TTC21A: variants seen among roughly 807,000 people sequenced by gnomAD.
TTC21A encodes tetratricopeptide repeat domain 21A, also known as tetratricopeptide repeat protein 21A.
A neutral mutation model predicts 156.4 loss-of-function variants in TTC21A; 128 were observed. The ratio of observed to expected loss-of-function variants is 0.82; its 90% CI spans 0.71 to 0.95. The LOEUF (loss-of-function observed/expected upper bound fraction) is 0.95. TTC21A is among the 40% of genes least tolerant of loss of function. The probability of loss-of-function intolerance (pLI) is 0.00; values close to 1 mark genes in which losing one functional copy is unlikely to be tolerated. For missense variants in TTC21A, 1,435 were observed against 1,602.3 expected (o/e 0.90, Z 1.78); for synonymous variants, 587 against 617.1 (o/e 0.95, Z 0.72).
chr3:39,118,126 G>A lies in TTC21A; in HGVS notation c.774G>A (p.Glu258=), dbSNP rs2037444740. The part of the protein sequence containing the change: ...IDACQILTVH[E]LAREGNMTTA... ...CCTGCCAAATTCTAACCGTGCATGA[G>A]CTTGCAAGAGAAGGAAACATGACCA... Residue 258 remains glutamate (E), a synonymous_variant, in exon 7 of 29, where the codon GAG becomes GAA. Coordinates refer to ENST00000683103, the MANE Select transcript of TTC21A (RefSeq NM_001366900.1). The A allele has an allele frequency of 5.0e-6, 8 of 1,614,060 alleles. No homozygotes were observed. The South Asian group carries it at 8.8e-5, about 18-fold the overall frequency.
intron 8 of TTC21A, 48 bp from the exon 9 acceptor site, chr3:39,120,949 A>C (rs377754391): frequency 7.2e-6 from 11 of 1,528,770 alleles, no homozygotes; most frequent in African/African-American, 1.4e-5. Context: ...TTGCTCATAC[A>C]GGCTGGACTG....
intron 7 of TTC21A, chr3:39,118,665 T>C (rs555724778): frequency 6.5e-6 from 1 of 154,526 alleles, no homozygotes; most frequent in Non-Finnish European, 1.4e-5. Flanking sequence ...TGCTCGTAAG[T>C]CTTGTAGTTT....
intron 4 of TTC21A, among the ~76,000 whole-genome samples, chr3:39,111,505 G>A (rs1243610408): frequency 3.3e-4 from 51 of 152,274 alleles, no homozygotes; most frequent in Non-Finnish European, 2.9e-5. Context: ...ATGCTCTGCT[G>A]GAACTGAATG....
intron 3 of TTC21A, 38 bp from the exon 4 acceptor site, chr3:39,110,813 T>A (rs936192832): frequency 6.2e-7 from 1 of 1,611,564 alleles, no homozygotes. Flanking sequence ...GACTTCCACA[T>A]CCTAACTCTC....
chr3:39,136,288 G>A (rs1269662388), intron 22 of TTC21A, 69 bp from the exon 23 acceptor site: 9 of 1,541,040 alleles, frequency 5.8e-6, no homozygotes, highest in Non-Finnish European at 7.9e-6. Context: ...TTCTCCTAGG[G>A]CCCCAGCACC....
At chr3:39,108,993 G>T (rs1283324412) in intron 1 of TTC21A, 92 bp from the exon 2 acceptor site, 2 of 1,411,024 alleles carry the variant, frequency 1.4e-6, no homozygotes, top group Non-Finnish European at 2.0e-6. Flanking sequence ...GAGGAGCAGG[G>T]GATAGGGAAG....
intron 26 of TTC21A, 115 bp downstream of exon 26, chr3:39,137,825 A>C: frequency 8.6e-7 from 1 of 1,163,312 alleles, no homozygotes. Context: ...ACTAGTCGGG[A>C]AGAGGCAGGC....
Position 39,110,030 on chromosome 3 carries a change from G to A in TTC21A, c.159G>A (p.Glu53=). 6.2e-7 allele frequency: 1 copy of A among 1,612,264 alleles called. No individual in the cohort carries two copies. Among genetic ancestry groups the A allele is most frequent in the Non-Finnish European group, 8.5e-7 (1 of 1,178,544 alleles). The change falls in exon 3 of 29, where the codon GAG becomes GAA. Residue 53 remains glutamate (E), a splice_region_variant and synonymous_variant. Transcript: ENST00000683103. ...TAACTATGTGGACTGTCTTTGCAGA[G>A]CACATCCAGGATGCCATCAGTGACC... The part of the protein sequence containing the change: ...FFKAYGVLKE[E]HIQDAISDLE...
At chr3:39,108,159 C>A (rs774046808) in intron 1 of TTC21A, 22 of 562,746 alleles carry the variant, frequency 3.9e-5, no homozygotes, top group Non-Finnish European at 6.9e-5. Flanking sequence ...CTCTCGCCTG[C>A]GCCTCCCACC....
rs764641145 is a variant in TTC21A, at chr3:39,138,769, G to C, written c.3923G>C (p.Arg1308Pro). The change falls in exon 29 of 29, where the codon CGA becomes CCA. Residue 1308 changes from arginine to proline, a missense_variant. By Grantham distance (103) the Arg-to-Pro change is moderately radical. Coordinates refer to ENST00000683103, the MANE Select transcript of TTC21A (RefSeq NM_001366900.1). ...KIREEILEKA[R>P]RSLRP is the part of the protein sequence containing the mutation. ...AGGGAGGAAATTTTGGAAAAGGCCC[G>C]AAGGTCCCTGAGGCCCTAGCTGGGG... 1 of 1,613,906 alleles carries C rather than the reference G, an allele frequency of 6.2e-7. No homozygotes were observed. Among genetic ancestry groups the C allele is most frequent in the African/African-American group, 1.3e-5 (1 of 74,904 alleles).
chr3:39,110,211 C>T (rs761886719), intron 3 of TTC21A, 72 bp downstream of exon 3: 11 of 1,182,942 alleles, frequency 9.3e-6, no homozygotes, highest in African/African-American at 1.5e-5. Context: ...GATAACACAG[C>T]CCCTCAAGGG....
intron 11 of TTC21A, 100 bp from the exon 12 acceptor site, chr3:39,126,161 G>GAAGC (rs2038217563): frequency 2.0e-6 from 3 of 1,464,638 alleles, no homozygotes; most frequent in Admixed American, 1.8e-5. Context: ...AGTGTGGAAT[G>GAAGC]AAGCAAAATT....
At chr3:39,122,038 A>G (rs1027839267) in intron 9 of TTC21A, among the ~76,000 whole-genome samples, 5 of 152,226 alleles carry the variant, frequency 3.3e-5, no homozygotes, top group Non-Finnish European at 7.3e-5. Flanking sequence ...GCCAGGCGTG[A>G]TGGCTCACGC....
rs1483048038 is a variant in TTC21A at position 39,125,340 on chromosome 3, T to G, written c.1200T>G (p.Ile400Met). 6.2e-7 allele frequency: 1 copy of G among 1,613,854 alleles called. No individual in the cohort carries two copies. Among genetic ancestry groups the G allele is most frequent in the Admixed American group, 1.7e-5 (1 of 60,002 alleles). The change falls in exon 11 of 29, where the codon ATT (isoleucine) becomes ATG (methionine). Residue 400 changes from isoleucine to methionine, a missense_variant. Ile to Met is a conservative substitution (Grantham distance 10, BLOSUM62 1). Transcript: ENST00000683103. ...GGTCCTCTCTTCCACAGGTGCTAATTTTCCTCCAAGCCCTCCTGATGTCCA... is the reference window on the plus strand; with the variant it reads ...GGTCCTCTCTTCCACAGGTGCTAATGTTCCTCCAAGCCCTCCTGATGTCCA... ...QKSLGKSEVLIFLQALLMSRK... is the reference protein window; with the variant it reads ...QKSLGKSEVLMFLQALLMSRK...
At chr3:39,124,658 C>CAAAAAGAAAAAAAAAA (rs2038058927) in intron 9 of TTC21A, among the ~76,000 whole-genome samples, 1 of 71,040 alleles carries the variant, frequency 1.4e-5, no homozygotes, top group Non-Finnish European at 2.9e-5. Flanking sequence ...AACTCCGTCT[C>CAAAAAGAAAAAAAAAA]AAAAAAAAAA....
chr3:39,124,360 T>G (rs978515966), intron 9 of TTC21A, among the ~76,000 whole-genome samples: 2 of 152,028 alleles, frequency 1.3e-5, no homozygotes, highest in Admixed American at 6.6e-5. Flanking sequence ...CATATACAAA[T>G]TTTAAAAAGC....
intron 7 of TTC21A, chr3:39,118,414 G>T: frequency 1.8e-6 from 1 of 544,620 alleles, no homozygotes; most frequent in Non-Finnish European, 3.3e-6. Flanking sequence ...AGCCTGGGCA[G>T]GTGTCCCCAC....
chr3:39,110,454 T>C, intron 3 of TTC21A: 1 of 513,560 alleles, frequency 1.9e-6, no homozygotes, highest in East Asian at 3.6e-5. Context: ...AGCCAATATA[T>C]ATAATTCTAC....
chr3:39,121,837 G>C (rs920263587), intron 9 of TTC21A, among the ~76,000 whole-genome samples: 1 of 152,156 alleles, frequency 6.6e-6, no homozygotes, highest in Non-Finnish European at 1.5e-5. Flanking sequence ...CTGGCTCTGA[G>C]GGGCTATGTG....
Sources: gnomAD v4.1 joint callset for allele counts (sites outside exome capture counted in the v4.1 genomes callset) on GRCh38, gnomAD v4.1.1 for gene constraint, MANE v1.5 for transcripts, NCBI Gene and HGNC (gene_info 2026-07-23, HGNC 2026-07-21) for gene names.